The following FREM1 variants were observed in gnomAD, a reference collection of about 807,000 sequenced individuals.
FREM1 encodes FRAS1-related extracellular matrix protein 1.
A neutral mutation model predicts 210.1 loss-of-function variants in FREM1; 220 were observed. The observed-to-expected ratio is 1.05, with a 90% CI of 0.94 to 1.17. The LOEUF (loss-of-function observed/expected upper bound fraction) is 1.17. Ranked by LOEUF, FREM1 falls within the 50% of genes most tolerant of loss-of-function variation. FREM1 has a pLI of 0.00. For synonymous variants in FREM1, 1,189 were observed against 980.2 expected, an observed-to-expected ratio of 1.21 and a Z score of -3.98; for missense variants, 3,454 against 2,675.5, an observed-to-expected ratio of 1.29 and a Z score of -6.42.
intron 13 of FREM1, among the ~76,000 whole-genome samples, chr9:14,822,381 G>T (rs535950594): frequency 6.6e-6 from 1 of 152,148 alleles, no homozygotes; most frequent in African/African-American, 2.4e-5. Context: ...GAAAGAGAAC[G>T]CCAGTGCAGG....
chr9:14,767,781 C>A (rs928597272), intron 27 of FREM1, among the ~76,000 whole-genome samples: 3 of 152,040 alleles, frequency 2.0e-5, no homozygotes, highest in African/African-American at 7.2e-5. Context: ...ATTTTACCCC[C>A]CCATCGCTTA....
At chr9:14,835,707 C>T (rs915512598) in intron 10 of FREM1, among the ~76,000 whole-genome samples, 1 of 152,152 alleles carries the variant, frequency 6.6e-6, no homozygotes, top group Non-Finnish European at 1.5e-5. Flanking sequence ...TGTGAAACAG[C>T]GTTTCATCAA....
chr9:14,861,031 A>ATATATACG (rs1830200801), intron 3 of FREM1, among the ~76,000 whole-genome samples: 2 of 75,724 alleles, frequency 2.6e-5, no homozygotes, highest in Non-Finnish European at 4.5e-5. Flanking sequence ...ACATATATAC[A>ATATATACG]TATATACATA....
In FREM1 at chr9:14,841,598, T is replaced by C; in HGVS notation, c.1739-9A>G. ...GCCATGGACAGGATAGCCTATTGGG[T>C]CCATAAAACACCACATACTTTTGTA... On this transcript the variant is annotated splice_polypyrimidine_tract_variant and intron_variant, in intron 9 of 36. Transcript: ENST00000380880. 1 of 1,569,768 alleles carries C rather than the reference T, an allele frequency of 6.4e-7. No homozygotes were observed. Among genetic ancestry groups the C allele is most frequent in the African/African-American group, 1.4e-5 (1 of 73,850 alleles).
intron 19 of FREM1, among the ~76,000 whole-genome samples, chr9:14,802,618 A>G (rs758715938): frequency 6.6e-6 from 1 of 152,224 alleles, no homozygotes; most frequent in Non-Finnish European, 1.5e-5. Context: ...AGAACTTGAC[A>G]ATATGTTACT....
At chr9:14,835,960 G>A (rs1460985102) in intron 10 of FREM1, among the ~76,000 whole-genome samples, 1 of 152,144 alleles carries the variant, frequency 6.6e-6, no homozygotes, top group Non-Finnish European at 1.5e-5. Flanking sequence ...CTGGTGATCT[G>A]CAGCTTGGAA....
At chr9:14,883,865 T>C (rs1406865896) in intron 1 of FREM1, among the ~76,000 whole-genome samples, 2 of 152,154 alleles carry the variant, frequency 1.3e-5, no homozygotes, top group Non-Finnish European at 1.5e-5. Flanking sequence ...GGCAGAATTA[T>C]TGGGGGCAGC....
chr9:14,753,884 T>A (rs1494345), intron 29 of FREM1, among the ~76,000 whole-genome samples: 1 of 152,020 alleles, frequency 6.6e-6, no homozygotes, highest in African/African-American at 2.4e-5. Flanking sequence ...TTATAAGATA[T>A]GCTTATATTA....
At chr9:14,874,889 C>G (rs150851314) in intron 1 of FREM1, among the ~76,000 whole-genome samples, 2,236 of 152,226 alleles carry the variant, frequency 0.015, 52 homozygotes, top group African/African-American at 0.051. Flanking sequence ...TCAGCATTTG[C>G]TTGTCTGTAA....
In FREM1 at chr9:14,759,891, T is replaced by A; in HGVS notation, c.5215A>T (p.Lys1739Ter). 6.2e-7 allele frequency: 1 copy of A among 1,610,512 alleles called. No individual in the cohort carries two copies. The highest frequency in any genetic ancestry group is 8.5e-7 in the Non-Finnish European group (1 of 1,177,982). ...TGTGACCATTCAATATGAGACCACT[T>A]CAGTTCCAAACTGTGTGTGAAAGGA... The part of the protein sequence containing the change: ...NSATPQILEL[K>*]WSHIEWSQTE... The change falls in exon 28 of 37, where the codon AAG becomes TAG. Residue 1739 changes from lysine to a stop codon, truncating the protein, a stop_gained. Transcript: ENST00000380880. LOFTEE classifies it high-confidence loss of function.
At chr9:14,743,842 A>G (rs1360619489) in intron 35 of FREM1, among the ~76,000 whole-genome samples, 1 of 152,080 alleles carries the variant, frequency 6.6e-6, no homozygotes, top group Non-Finnish European at 1.5e-5. Context: ...GCTAGTTTAG[A>G]TAGCTTTTGA....
rs745680047 is a variant in FREM1, at chr9:14,807,901, G to A, written c.3088+39C>T. The A allele has an allele frequency of 9.9e-5, 143 of 1,444,882 alleles. No homozygotes were observed. The East Asian group carries it at 3.1e-3, about 32-fold the overall frequency. The allele number at this position is 1,444,882 out of a possible 1,614,324, so 89.5% of individuals were successfully genotyped here. ...CACTGAACCACAGGTATGACACTAG[G>A]TCAGACAATAGTACTGGAACAAAAA... On this transcript the variant is annotated intron_variant, in intron 17 of 36. Coordinates refer to ENST00000380880, the MANE Select transcript of FREM1 (RefSeq NM_001379081.2).
At chr9:14,875,580 A>AT (rs1302627097) in intron 1 of FREM1, among the ~76,000 whole-genome samples, 1 of 151,922 alleles carries the variant, frequency 6.6e-6, no homozygotes, top group Non-Finnish European at 1.5e-5. Flanking sequence ...ATTCGTCTAA[A>AT]TTTTTTTTAA....
intron 11 of FREM1, among the ~76,000 whole-genome samples, chr9:14,824,434 T>C (rs578215110): frequency 6.6e-6 from 1 of 152,208 alleles, no homozygotes; most frequent in Non-Finnish European, 1.5e-5. Context: ...TTTTTCTAGA[T>C]TGAGATCATA....
intron 1 of FREM1, among the ~76,000 whole-genome samples, chr9:14,869,668 T>G (rs1191180611): frequency 6.6e-6 from 1 of 152,232 alleles, no homozygotes; most frequent in East Asian, 1.9e-4. Context: ...ACACATTGTT[T>G]GAAAACATGA....
chr9:14,816,987 G>A (rs947203866), intron 14 of FREM1, 116 bp from the exon 15 acceptor site: 1 of 403,224 alleles, frequency 2.5e-6, no homozygotes, highest in Non-Finnish European at 4.4e-6. Flanking sequence ...TAAATAAATA[G>A]CAACAACAAC....
At chr9:14,850,387 A>C (rs1827483597) in intron 6 of FREM1, 1 of 148,734 alleles carries the variant, frequency 6.7e-6, no homozygotes, top group Admixed American at 6.6e-5. Context: ...AAAAGCTCTC[A>C]CAAAAAAAAA....
chr9:14,826,037 A>C (rs1822380226), intron 10 of FREM1, among the ~76,000 whole-genome samples: 1 of 152,126 alleles, frequency 6.6e-6, no homozygotes, highest in African/African-American at 2.4e-5. Flanking sequence ...GGAATTATTT[A>C]TAGAATATCC....
intron 1 of FREM1, among the ~76,000 whole-genome samples, chr9:14,872,373 A>T (rs1213729353): frequency 2.0e-5 from 3 of 152,090 alleles, no homozygotes; most frequent in Admixed American, 6.5e-5. Context: ...CTCCTTGAAG[A>T]GGTCCTTCAG....
Sources: gnomAD v4.1 joint callset for allele counts (sites outside exome capture counted in the v4.1 genomes callset) on GRCh38, gnomAD v4.1.1 for gene constraint, MANE v1.5 for transcripts, NCBI Gene and HGNC (gene_info 2026-07-23, HGNC 2026-07-21) for gene names.